Variants in DNAJC13 observed in about 807,000 individuals in gnomAD.
The protein encoded by DNAJC13 is dnaJ homolog subfamily C member 13.
DNAJC13 carries 75 observed loss-of-function variants against 290.5 expected under a neutral mutation model. That is an observed-to-expected ratio of 0.26 (90% CI 0.21 to 0.31). The LOEUF (loss-of-function observed/expected upper bound fraction) is 0.31, where lower values mean the gene tolerates loss of function less well. DNAJC13 is among the 10% of genes least tolerant of loss of function. The pLI is 1.00. For missense variants in DNAJC13, 2,260 were observed against 2,674.5 expected (o/e 0.85, Z 3.42); for synonymous variants, 862 against 892.0 (o/e 0.97, Z 0.60).
At position 132,462,501 on chromosome 3, in the gene DNAJC13, T is replaced by G. The variant is rs1933832016; in HGVS notation, c.1748T>G (p.Leu583Trp). The G allele has an allele frequency of 1.2e-6, 2 of 1,609,994 alleles. No homozygotes were observed. The highest frequency in any genetic ancestry group is 1.7e-6 in the Non-Finnish European group (2 of 1,178,596). The stretch of plus-strand genomic sequence containing the variant: ...ATGGCAATAATAAAAGGAGCTGGGT[T>G]GGTTATGAAGGCAATAATAGAGGTG... ...PSMAIIKGAG[L>W]VMKAIIEEGD... is the part of the protein sequence containing the mutation. The change falls in exon 16 of 56, where the codon TTG becomes TGG. Residue 583 changes from leucine to tryptophan, a missense_variant. By Grantham distance (61) the Leu-to-Trp change is moderately conservative. Transcript: ENST00000260818.
intron 1 of DNAJC13, among the ~76,000 whole-genome samples, chr3:132,432,471 C>G (rs1410160827): frequency 6.6e-6 from 1 of 152,116 alleles, no homozygotes; most frequent in Non-Finnish European, 1.5e-5. Context: ...TCCCAAAATG[C>G]TAGGATTACA....
chr3:132,469,963 C>CTTTTTTT lies in DNAJC13; in HGVS notation c.2208+2673_2208+2679dup, dbSNP rs61726289. Among the ~76,000 whole-genome samples, 93 of 61,108 alleles carry CTTTTTTT rather than the reference C, an allele frequency of 1.5e-3. 1 individual carries two copies. Among genetic ancestry groups the CTTTTTTT allele is most frequent in the African/African-American group, 4.5e-3 (81 of 17,846 alleles). 40.1% of individuals were successfully genotyped at this position (61,108 alleles called of 152,430 possible). On this transcript the variant is annotated intron_variant, in intron 20 of 55. Coordinates refer to ENST00000260818, the MANE Select transcript of DNAJC13 (RefSeq NM_015268.4). Reference sequence around the variant, plus strand: ...ATGGGTTTCATTTGGAGCAGAGATTCTTTTTTTTTTTTTTTTTTTTTTTTT... The same window carrying CTTTTTTT: ...ATGGGTTTCATTTGGAGCAGAGATTCTTTTTTTTTTTTTTTTTTTTTTTTTTTTTTTT...
Position 132,480,458 on chromosome 3 carries a change from A to G in DNAJC13, c.2862A>G (p.Thr954=). The change falls in exon 26 of 56, where the codon ACA becomes ACG. Residue 954 remains threonine (T), a synonymous_variant. Transcript: ENST00000260818. ...CACATCTCCATGTAAGCCGAGCTAC[A>G]GTACCACTGCAAGTACGTATCCTTG... ...TLAHLHVSRA[T]VPLQSNVIEA... The G allele has an allele frequency of 1.2e-6, 2 of 1,610,476 alleles. No homozygotes were observed. Among genetic ancestry groups the G allele is most frequent in the Middle Eastern group, 1.7e-4 (1 of 6,050 alleles).
Position 132,527,313 on chromosome 3 carries a change from A to G in DNAJC13, c.6382-876A>G, listed in dbSNP as rs531793687. 6.6e-5 allele frequency among the ~76,000 whole-genome samples: 10 copies of G among 152,312 alleles called. No individual in the cohort carries two copies. In the East Asian group the frequency reaches 1.9e-3, roughly 29 times the overall value. On this transcript the variant is annotated intron_variant, in intron 53 of 55. Coordinates refer to ENST00000260818, the MANE Select transcript of DNAJC13 (RefSeq NM_015268.4). ...TCATTACCTGCCAGATGACTAAGTG[A>G]CATCTGGTATCCTTAGCCAGAATAC...
At chr3:132,426,804 G>C (rs1456701803) in intron 1 of DNAJC13, among the ~76,000 whole-genome samples, 1 of 150,658 alleles carries the variant, frequency 6.6e-6, no homozygotes, top group Non-Finnish European at 1.5e-5. Context: ...TTTTTTTCTT[G>C]AAAGTTTCTC....
chr3:132,493,922 A>C lies in DNAJC13; in HGVS notation c.3826-222A>C, dbSNP rs186036499. ...AACACAGATTGGCAGAGGATTTAAA[A>C]AATTTTTTAAATAGAGGAATATTGC... is the stretch of plus-strand genomic sequence containing the variant. On this transcript the variant is annotated intron_variant, in intron 33 of 55. Coordinates refer to ENST00000260818, the MANE Select transcript of DNAJC13 (RefSeq NM_015268.4). 7.0e-3 allele frequency among the ~76,000 whole-genome samples: 1,071 copies of C among 152,282 alleles called. 10 individuals carry two copies. The highest frequency in any genetic ancestry group is 0.024 in the African/African-American group (1,012 of 41,560).
chr3:132,516,118 C>T (rs1428320287), intron 46 of DNAJC13, among the ~76,000 whole-genome samples: 2 of 152,120 alleles, frequency 1.3e-5, no homozygotes, highest in Non-Finnish European at 2.9e-5. Flanking sequence ...TTTGGATGTG[C>T]AGTGCACAAT....
chr3:132,527,165 G>A (rs1389985002), intron 53 of DNAJC13, among the ~76,000 whole-genome samples: 1 of 152,116 alleles, frequency 6.6e-6, no homozygotes, highest in South Asian at 2.1e-4. Context: ...TGCATTGTAT[G>A]CATGTGTCAT....
chr3:132,428,449 C>A (rs1939160869), intron 1 of DNAJC13, among the ~76,000 whole-genome samples: 1 of 152,048 alleles, frequency 6.6e-6, no homozygotes, highest in Non-Finnish European at 1.5e-5. Flanking sequence ...TCTCATTTAT[C>A]TGGTTATCTT....
intron 40 of DNAJC13, among the ~76,000 whole-genome samples, chr3:132,502,931 C>T (rs756468174): frequency 3.3e-5 from 5 of 152,182 alleles, no homozygotes; most frequent in Non-Finnish European, 7.3e-5. Flanking sequence ...ATCCCCTACT[C>T]CCCACATTAC....
chr3:132,438,735 A>G (rs1441828051), intron 2 of DNAJC13, among the ~76,000 whole-genome samples: 1 of 152,212 alleles, frequency 6.6e-6, no homozygotes, highest in African/African-American at 2.4e-5. Context: ...ACCTCACTTT[A>G]TAGCTGCTGA....
At chr3:132,506,944 G>C (rs1163145637) in intron 42 of DNAJC13, among the ~76,000 whole-genome samples, 1 of 152,130 alleles carries the variant, frequency 6.6e-6, no homozygotes, top group Non-Finnish European at 1.5e-5. Context: ...TGAGTTGATT[G>C]AGAAGAATAA....
intron 43 of DNAJC13, among the ~76,000 whole-genome samples, chr3:132,510,199 C>T (rs778379817): frequency 2.0e-5 from 3 of 152,100 alleles, no homozygotes; most frequent in Non-Finnish European, 4.4e-5. Flanking sequence ...CAAGGGATAT[C>T]AGACCACCAG....
rs114773826 is a variant in DNAJC13, at chr3:132,494,833, T to C, written c.3942-255T>C. 4.3e-3 allele frequency among the ~76,000 whole-genome samples: 647 copies of C among 152,234 alleles called. 3 individuals carry two copies. The highest frequency in any genetic ancestry group is 0.015 in the African/African-American group (608 of 41,550). The stretch of plus-strand genomic sequence containing the variant: ...AGTGGATTTTTAAAAATATATTTTG[T>C]AGTTCTTCCAACTCAAATATAATTT... On this transcript the variant is annotated intron_variant, in intron 34 of 55. Coordinates refer to ENST00000260818, the MANE Select transcript of DNAJC13 (RefSeq NM_015268.4).
chr3:132,493,262 C>A (rs1437836724), intron 33 of DNAJC13, among the ~76,000 whole-genome samples: 2 of 152,084 alleles, frequency 1.3e-5, no homozygotes, highest in East Asian at 3.9e-4. Flanking sequence ...TCTGTGGGCA[C>A]CTGTGCCCAT....
At chr3:132,431,778 C>T (rs1939245792) in intron 1 of DNAJC13, among the ~76,000 whole-genome samples, 1 of 152,090 alleles carries the variant, frequency 6.6e-6, no homozygotes, top group Non-Finnish European at 1.5e-5. Flanking sequence ...TAGGTATATC[C>T]ATATACCAGA....
At chr3:132,519,132 T>C (rs1435976681) in intron 48 of DNAJC13, among the ~76,000 whole-genome samples, 1 of 152,230 alleles carries the variant, frequency 6.6e-6, no homozygotes, top group Non-Finnish European at 1.5e-5. Context: ...TACAGGTTTT[T>C]GTGTGGACAT....
rs114941801 is a variant in DNAJC13 at position 132,461,675 on chromosome 3, G to C, written c.1713+470G>C. ...ACACTCTGCCCATTTTCTATATCTT[G>C]CTTTTTTATTTTATTTTATTTTATT... On this transcript the variant is annotated intron_variant, in intron 15 of 55. Transcript: ENST00000260818. 7.2e-3 allele frequency among the ~76,000 whole-genome samples: 1,100 copies of C among 151,938 alleles called. 10 individuals carry two copies. The highest frequency in any genetic ancestry group is 0.025 in the African/African-American group (1,041 of 41,484).
At chr3:132,470,558 G>C (rs1934170640) in intron 20 of DNAJC13, among the ~76,000 whole-genome samples, 2 of 139,518 alleles carry the variant, frequency 1.4e-5, no homozygotes, top group East Asian at 2.2e-4. Context: ...TCCCAGTAGG[G>C]GCGGCCGGGC....
Sources: allele counts gnomAD v4.1 joint callset (sites outside exome capture counted in the v4.1 genomes callset), GRCh38; gene constraint gnomAD v4.1.1; transcripts MANE v1.5; gene names NCBI Gene and HGNC (gene_info 2026-07-23, HGNC 2026-07-21).